The following HEPACAM variants were observed in gnomAD, a reference collection of about 807,000 sequenced individuals.
The protein encoded by HEPACAM is hepatic and glial cell adhesion molecule.
Under a neutral mutation model 38.3 loss-of-function variants are expected in HEPACAM, and 18 were observed. The observed-to-expected ratio is 0.47, with a 90% CI of 0.33 to 0.70. The LOEUF (loss-of-function observed/expected upper bound fraction) is 0.70, where lower values mean the gene tolerates loss of function less well. Among genes scored for constraint, HEPACAM ranks in the 30% least tolerant of loss-of-function variants. HEPACAM has a pLI of 0.03. For missense variants in HEPACAM, 466 were observed against 563.0 expected, an observed-to-expected ratio of 0.83 and a Z score of 1.74; for synonymous variants, 216 against 243.1, an observed-to-expected ratio of 0.89 and a Z score of 1.04.
chr11:124,925,367 C>T (rs1270344506), intron 1 of HEPACAM, among the ~76,000 whole-genome samples: 4 of 152,226 alleles, frequency 2.6e-5, no homozygotes, highest in African/African-American at 7.2e-5. Context: ...ACACCCTATG[C>T]GCTCCATTCA....
chr11:124,924,892 A>G lies in HEPACAM; in HGVS notation c.263T>C (p.Ile88Thr). ...TVVQSIGTEV[I>T]GTLRPDYRDR... The stretch of plus-strand genomic sequence containing the variant: ...TCGATAGTCAGGCCGCAGGGTGCCG[A>G]TGACCTCTGTGCCAATGGACTGCAC... Residue 88 changes from isoleucine (I) to threonine (T), a missense_variant, in exon 2 of 7, where the codon ATC (isoleucine) becomes ACC (threonine). Coordinates refer to ENST00000298251, the MANE Select transcript of HEPACAM (RefSeq NM_152722.5). The surrounding 1 kb of genome is among the most constrained non-coding windows in gnomAD (Gnocchi z 4.4). The G allele has an allele frequency of 6.2e-7, 1 of 1,614,194 alleles. No homozygotes were observed. The highest frequency in any genetic ancestry group is 2.2e-5 in the East Asian group (1 of 44,880).
At chr11:124,928,343 G>A (rs2135403551) in intron 1 of HEPACAM, among the ~76,000 whole-genome samples, 1 of 152,322 alleles carries the variant, frequency 6.6e-6, no homozygotes, top group Admixed American at 6.5e-5. Flanking sequence ...AGGCAAATAG[G>A]CTTTGGTATG....
chr11:124,922,897 C>T (rs947398910), intron 4 of HEPACAM, 79 bp from the exon 5 acceptor site: 2 of 1,444,056 alleles, frequency 1.4e-6, no homozygotes, highest in Non-Finnish European at 1.9e-6. Flanking sequence ...AGGGAGGGAT[C>T]TGATGGCCAT....
intron 6 of HEPACAM, 74 bp downstream of exon 6, chr11:124,922,314 T>A: frequency 1.4e-6 from 2 of 1,397,996 alleles, no homozygotes; most frequent in Non-Finnish European, 2.0e-6. Context: ...AGGAATATAG[T>A]ATGGCTCCCT....
intron 1 of HEPACAM, among the ~76,000 whole-genome samples, chr11:124,932,753 C>G (rs568077755): frequency 1.3e-5 from 2 of 152,186 alleles, no homozygotes; most frequent in African/African-American, 2.4e-5. Flanking sequence ...GTATCACTTA[C>G]AGACCTTGTT....
intron 1 of HEPACAM, among the ~76,000 whole-genome samples, chr11:124,926,331 CTTA>C (rs1947208279): frequency 6.6e-6 from 1 of 152,202 alleles, no homozygotes; most frequent in Non-Finnish European, 1.5e-5. Context: ...AGTTTTGGGC[CTTA>C]TTATTGATAC....
chr11:124,920,986 G>A lies in HEPACAM; in HGVS notation c.*152C>T. ...CCTCCGCGCACCCGCCTCCGTCTGC[G>A]CATGCTCATACACGTTCACACCCGA... On this transcript the variant is annotated 3_prime_UTR_variant, in exon 7 of 7. Transcript: ENST00000298251. 1 of 1,370,120 alleles carries A rather than the reference G, an allele frequency of 7.3e-7. No homozygotes were observed. The highest frequency in any genetic ancestry group is 9.4e-7 in the Non-Finnish European group (1 of 1,065,290). The allele number at this position is 1,370,120 out of a possible 1,614,324, so 84.9% of individuals were successfully genotyped here. A position where few individuals can be genotyped will look rare whatever the true frequency, so the allele number is the denominator to read the frequency against.
intron 1 of HEPACAM, among the ~76,000 whole-genome samples, chr11:124,935,526 G>A (rs1207294609): frequency 6.6e-6 from 1 of 152,090 alleles, no homozygotes; most frequent in African/African-American, 2.4e-5. Context: ...AGAGAAGCCA[G>A]AGTCGGGGGC....
At position 124,924,682 on chromosome 11, in the gene HEPACAM, A is replaced by G; in HGVS notation, c.427+46T>C. On this transcript the variant is annotated intron_variant, in intron 2 of 6. Transcript: ENST00000298251. This position sits in a 1 kb window ranked among gnomAD's most constrained non-coding sequence, Gnocchi z 4.4. ...TGGTGCGCTGGGCAGACCTTTCCCTAGTCCCACCTGCCAGTCTTGCCTCTT... is the reference window on the plus strand; with the variant it reads ...TGGTGCGCTGGGCAGACCTTTCCCTGGTCCCACCTGCCAGTCTTGCCTCTT... The G allele has an allele frequency of 6.5e-7, 1 of 1,531,984 alleles. No homozygotes were observed. The highest frequency in any genetic ancestry group is 9.0e-7 in the Non-Finnish European group (1 of 1,105,670). 94.9% of individuals were successfully genotyped at this position (1,531,984 alleles called of 1,614,324 possible).
intron 1 of HEPACAM, among the ~76,000 whole-genome samples, chr11:124,928,399 C>A (rs1947244204): frequency 6.6e-6 from 1 of 152,162 alleles, no homozygotes; most frequent in South Asian, 2.1e-4. Flanking sequence ...TTATTAAAGG[C>A]CACTGGGGTG....
At chr11:124,935,345 A>C (rs549207543) in intron 1 of HEPACAM, among the ~76,000 whole-genome samples, 2 of 152,246 alleles carry the variant, frequency 1.3e-5, no homozygotes, top group South Asian at 2.1e-4. Flanking sequence ...GTATGTACTC[A>C]TAAATAGGTA....
At chr11:124,932,758 C>T (rs1947294022) in intron 1 of HEPACAM, among the ~76,000 whole-genome samples, 1 of 152,094 alleles carries the variant, frequency 6.6e-6, no homozygotes, top group South Asian at 2.1e-4. Flanking sequence ...ACTTACAGAC[C>T]TTGTTTGGCA....
chr11:124,922,237 A>G, intron 6 of HEPACAM, 151 bp downstream of exon 6: 2 of 823,718 alleles, frequency 2.4e-6, no homozygotes, highest in Non-Finnish European at 2.2e-6. Context: ...CCATCCATGG[A>G]AAAATTTTCT....
chr11:124,933,444 T>C (rs999541874), intron 1 of HEPACAM, among the ~76,000 whole-genome samples: 2 of 152,190 alleles, frequency 1.3e-5, no homozygotes. Flanking sequence ...GTTCTGAGAT[T>C]ACAAGCATGA....
rs1947123194 is a variant in HEPACAM at position 124,920,924 on chromosome 11, G to C, written c.*214C>G. ...TGAGGACACAGCCAGTAAACCGGAAGCAAATGCGACCCGGTTTCACCATAT... is the reference window on the plus strand; with the variant it reads ...TGAGGACACAGCCAGTAAACCGGAACCAAATGCGACCCGGTTTCACCATAT... On this transcript the variant is annotated 3_prime_UTR_variant, in exon 7 of 7. Coordinates refer to ENST00000298251, the MANE Select transcript of HEPACAM (RefSeq NM_152722.5). The C allele has an allele frequency of 7.4e-7, 1 of 1,353,550 alleles. No homozygotes were observed. Among genetic ancestry groups the C allele is most frequent in the African/African-American group, 1.5e-5 (1 of 64,968 alleles). 83.8% of individuals were successfully genotyped at this position (1,353,550 alleles called of 1,614,324 possible).
intron 1 of HEPACAM, among the ~76,000 whole-genome samples, chr11:124,927,181 G>C (rs946127066): frequency 6.6e-6 from 1 of 151,906 alleles, no homozygotes; most frequent in Non-Finnish European, 1.5e-5. Context: ...AAACATATTA[G>C]ATCCATTTTT....
chr11:124,935,656 G>A (rs537316808), intron 1 of HEPACAM, among the ~76,000 whole-genome samples: 1 of 152,324 alleles, frequency 6.6e-6, no homozygotes, highest in East Asian at 1.9e-4. Context: ...ATGGCCCAGT[G>A]CCCGCCATCT....
At chr11:124,929,726 A>G (rs957789697) in intron 1 of HEPACAM, among the ~76,000 whole-genome samples, 1 of 151,870 alleles carries the variant, frequency 6.6e-6, no homozygotes, top group Non-Finnish European at 1.5e-5. Flanking sequence ...ATCGGTGGCC[A>G]CTCCTCAAGT....
At position 124,925,019 on chromosome 11, in the gene HEPACAM, T is replaced by C. The variant is rs779584702; in HGVS notation, c.136A>G (p.Thr46Ala). The C allele has an allele frequency of 6.2e-7, 1 of 1,606,628 alleles. No individual in the cohort carries two copies. Reference sequence around the variant, plus strand: ...GAAAGCAGAGCCGACTTCCCCACGGTGCCATGGATCAGGCGCACGGGGCTG... The same window carrying C: ...GAAAGCAGAGCCGACTTCCCCACGGCGCCATGGATCAGGCGCACGGGGCTG... ...ITSPVRLIHG[T>A]VGKSALLSVQ... The change falls in exon 2 of 7, where the codon ACC (threonine) becomes GCC (alanine). Residue 46 changes from threonine to alanine, a missense_variant. By Grantham distance (58) the Thr-to-Ala change is moderately conservative. Transcript: ENST00000298251.
Sources: allele counts gnomAD v4.1 joint callset (sites outside exome capture counted in the v4.1 genomes callset), GRCh38; gene constraint gnomAD v4.1.1; non-coding constraint Gnocchi (gnomAD v3.1); transcripts MANE v1.5; gene names NCBI Gene and HGNC (gene_info 2026-07-23, HGNC 2026-07-21).